Variants in CTNNA3 observed in about 807,000 individuals in gnomAD.
The protein encoded by CTNNA3 is catenin alpha-3.
In CTNNA3, 76 loss-of-function variants were observed where a neutral mutation model predicts 95.7. The observed-to-expected ratio is 0.79, with a 90% CI of 0.66 to 0.96. The LOEUF (loss-of-function observed/expected upper bound fraction) is 0.96. Ranked by LOEUF, CTNNA3 falls within the 40% of genes least tolerant of loss-of-function variation. CTNNA3 has a pLI of 0.00. For missense variants in CTNNA3, 1,191 were observed against 1,089.8 expected, an observed-to-expected ratio of 1.09 and a Z score of -1.31; for synonymous variants, 431 against 374.4, an observed-to-expected ratio of 1.15 and a Z score of -1.74.
chr10:67,152,347 A>G (rs1245938584), intron 7 of CTNNA3, among the ~76,000 whole-genome samples: 1 of 152,238 alleles, frequency 6.6e-6, no homozygotes, highest in Non-Finnish European at 1.5e-5. Flanking sequence ...GAAATAAGAG[A>G]AGATGAATCA....
At chr10:66,446,577 A>T (rs1474214427) in intron 11 of CTNNA3, among the ~76,000 whole-genome samples, 1 of 151,958 alleles carries the variant, frequency 6.6e-6, no homozygotes, top group Admixed American at 6.5e-5. Context: ...CAAAAACCAC[A>T]TGATTATCTC....
intron 5 of CTNNA3, among the ~76,000 whole-genome samples, chr10:67,264,752 C>G (rs1298404323): frequency 1.3e-5 from 2 of 152,098 alleles, no homozygotes; most frequent in African/African-American, 2.4e-5. Flanking sequence ...TAGAGGTTCA[C>G]CCTCCGAAAA....
intron 11 of CTNNA3, among the ~76,000 whole-genome samples, chr10:66,477,952 A>G (rs185878894): frequency 4.2e-3 from 644 of 152,210 alleles, no homozygotes; most frequent in Non-Finnish European, 7.0e-3. Context: ...AATGCCTTCA[A>G]GACTTGTGTG....
intron 12 of CTNNA3, among the ~76,000 whole-genome samples, chr10:66,321,162 G>T (rs763726605): frequency 3.0e-4 from 45 of 151,748 alleles, no homozygotes; most frequent in Non-Finnish European, 6.0e-4. Flanking sequence ...ACTGATCAAT[G>T]ATTTTTAATT....
intron 7 of CTNNA3, among the ~76,000 whole-genome samples, chr10:67,040,427 G>T (rs1478087460): frequency 6.6e-6 from 1 of 152,002 alleles, no homozygotes; most frequent in African/African-American, 2.4e-5. Context: ...AAACAATTTG[G>T]ATGCAAAGTA....
intron 9 of CTNNA3, among the ~76,000 whole-genome samples, chr10:66,675,179 T>C (rs1846806278): frequency 1.3e-5 from 2 of 152,158 alleles, no homozygotes; most frequent in Non-Finnish European, 1.5e-5. Flanking sequence ...CTGGTTTATA[T>C]TGAGCAAAAC....
intron 7 of CTNNA3, among the ~76,000 whole-genome samples, chr10:66,814,641 G>A (rs1478814356): frequency 3.9e-5 from 6 of 151,910 alleles, no homozygotes; most frequent in African/African-American, 9.7e-5. Flanking sequence ...ACGTGCACCC[G>A]TACTCCCAGT....
intron 5 of CTNNA3, among the ~76,000 whole-genome samples, chr10:67,375,959 T>G (rs952294453): frequency 1.1e-4 from 16 of 152,112 alleles, no homozygotes; most frequent in African/African-American, 3.9e-4. Context: ...TCAGTGCTCT[T>G]ATAAAAGAGG....
intron 9 of CTNNA3, among the ~76,000 whole-genome samples, chr10:66,736,308 C>T (rs1429341357): frequency 6.6e-6 from 1 of 151,952 alleles, no homozygotes; most frequent in East Asian, 1.9e-4. Flanking sequence ...GCCTCAGCCT[C>T]CCGAGTAGCT....
intron 13 of CTNNA3, among the ~76,000 whole-genome samples, chr10:66,110,358 T>A (rs1296431776): frequency 1.6e-5 from 2 of 128,654 alleles, no homozygotes; most frequent in African/African-American, 6.9e-5. Flanking sequence ...TGAGACTCTG[T>A]CTAAAAAAAA....
At chr10:67,487,708 C>G (rs752071722) in intron 5 of CTNNA3, among the ~76,000 whole-genome samples, 1 of 152,168 alleles carries the variant, frequency 6.6e-6, no homozygotes, top group African/African-American at 2.4e-5. Flanking sequence ...GTACATATAA[C>G]TGATAAAGGG....
rs566718301 is a variant in CTNNA3, at chr10:67,499,314, G to C, written c.579+22528C>G. The stretch of plus-strand genomic sequence containing the variant: ...GATCATGGTGGATAAGCTTTTTGAT[G>C]TGCTGCTGGATTCGGTTTGCCAGTC... On this transcript the variant is annotated intron_variant, in intron 5 of 17. Transcript: ENST00000433211. 1.1e-4 allele frequency among the ~76,000 whole-genome samples: 17 copies of C among 152,282 alleles called. 1 individual carries two copies. In the South Asian group the frequency reaches 3.1e-3, roughly 28 times the overall value.
chr10:65,948,280 CAA>C (rs56966630), intron 17 of CTNNA3, among the ~76,000 whole-genome samples: 5,946 of 97,404 alleles, frequency 0.061, 176 homozygotes, highest in African/African-American at 0.14. Flanking sequence ...GACTCCATCT[CAA>C]AAAAAAAAAA....
intron 7 of CTNNA3, among the ~76,000 whole-genome samples, chr10:66,914,398 A>T (rs1267192533): frequency 3.9e-5 from 6 of 151,960 alleles, no homozygotes; most frequent in African/African-American, 1.5e-4. Flanking sequence ...ACTTTCTATC[A>T]GTTTTTAGTG....
chr10:66,423,979 A>T (rs1442111657), intron 11 of CTNNA3, among the ~76,000 whole-genome samples: 2 of 152,172 alleles, frequency 1.3e-5, no homozygotes, highest in African/African-American at 4.8e-5. Context: ...TTTATTGACC[A>T]CTTGGCAACT....
chr10:66,134,924 A>G (rs2133860229), intron 13 of CTNNA3, among the ~76,000 whole-genome samples: 1 of 152,302 alleles, frequency 6.6e-6, no homozygotes, highest in East Asian at 1.9e-4. Context: ...ATATTATAAC[A>G]AAAGAATCTT....
intron 10 of CTNNA3, among the ~76,000 whole-genome samples, chr10:66,596,906 C>T (rs917897952): frequency 6.6e-6 from 1 of 151,438 alleles, no homozygotes; most frequent in African/African-American, 2.4e-5. Context: ...AGTGAACCAC[C>T]AGAGAACACA....
intron 7 of CTNNA3, among the ~76,000 whole-genome samples, chr10:66,936,740 T>G (rs1271358002): frequency 6.6e-6 from 1 of 152,110 alleles, no homozygotes; most frequent in Non-Finnish European, 1.5e-5. Context: ...GGAAGTAGTA[T>G]CCATATTGAA....
At chr10:66,235,628 C>T (rs1324914840) in intron 13 of CTNNA3, among the ~76,000 whole-genome samples, 3 of 152,024 alleles carry the variant, frequency 2.0e-5, no homozygotes, top group Admixed American at 2.0e-4. Flanking sequence ...GTAGAATTTT[C>T]GTGGATAGTT....
Sources: allele counts gnomAD v4.1 joint callset (sites outside exome capture counted in the v4.1 genomes callset), GRCh38; gene constraint gnomAD v4.1.1; transcripts MANE v1.5; gene names NCBI Gene and HGNC (gene_info 2026-07-23, HGNC 2026-07-21).